The following MTM1 variants were observed in gnomAD, a reference collection of about 807,000 sequenced individuals.
The protein encoded by MTM1 is myotubularin 1.
Under a neutral mutation model 52.1 loss-of-function variants are expected in MTM1, and 9 were observed. That is an observed-to-expected ratio of 0.17 (90% CI 0.10 to 0.30). The LOEUF (loss-of-function observed/expected upper bound fraction) is 0.30. Among genes scored for constraint, MTM1 ranks in the 10% least tolerant of loss-of-function variants. The pLI, the probability that MTM1 is intolerant of heterozygous loss-of-function variation, is 1.00. For missense variants in MTM1, 277 were observed against 470.7 expected (o/e 0.59, Z 3.81); for synonymous variants, 136 against 163.8 (o/e 0.83, Z 1.29).
At chrX:150,583,553 T>A (rs1428170574) in intron 1 of MTM1, among the ~76,000 whole-genome samples, 1 of 23,132 alleles carries the variant, frequency 4.3e-5, no homozygotes, top group African/African-American at 3.3e-4. Context: ...TTATACATAA[T>A]TTATATATAA....
rs1569565313 is a variant in MTM1, at chrX:150,583,304, TATATATAATTATAAATA to T, written c.-10-9300_-10-9284del. On this transcript the variant is annotated intron_variant, in intron 1 of 14. Coordinates refer to ENST00000370396, the MANE Select transcript of MTM1 (RefSeq NM_000252.3). ...ATAAATATATATAAATTATATATAT[TATATATAATTATAAATA>T]TATATAAATTATATATATTATATAT... 8.7e-4 allele frequency among the ~76,000 whole-genome samples: 44 copies of T among 50,339 alleles called. 2 individuals are homozygous for T. The highest frequency in any genetic ancestry group is 2.3e-3 in the Admixed American group (6 of 2,657). 43.7% of individuals were successfully genotyped at this position (50,339 alleles called of 115,157 possible).
chrX:150,581,313 A>AG (rs2038579730), intron 1 of MTM1, among the ~76,000 whole-genome samples: 1 of 112,021 alleles, frequency 8.9e-6, no homozygotes, highest in Non-Finnish European at 1.9e-5. Context: ...ACACCATCAA[A>AG]GGGGACTACT....
At chrX:150,565,890 A>G (rs782425265), upstream of MTM1, among the ~76,000 whole-genome samples, 4 of 110,365 alleles carry the variant, frequency 3.6e-5, no homozygotes, top group Admixed American at 2.9e-4. Flanking sequence ...CCTCCTCTCT[A>G]TTGTCCTGGA....
intron 3 of MTM1, 67 bp downstream of exon 3, chrX:150,596,637 G>C: frequency 1.1e-6 from 1 of 911,817 alleles, no homozygotes; most frequent in Non-Finnish European, 1.6e-6. Context: ...GGTGGCTTCA[G>C]TCCCGCTTAC....
chrX:150,652,437 C>T (rs1198247790), intron 10 of MTM1, among the ~76,000 whole-genome samples: 5 of 107,045 alleles, frequency 4.7e-5, no homozygotes, highest in Non-Finnish European at 9.6e-5. Context: ...GAGGCAGAGG[C>T]AGGAAGATTG....
At chrX:150,608,633 C>T (rs2039214894) in intron 4 of MTM1, among the ~76,000 whole-genome samples, 1 of 111,901 alleles carries the variant, frequency 8.9e-6, no homozygotes, top group African/African-American at 3.2e-5. Flanking sequence ...CATGGCCTCA[C>T]ATACATATTT....
intron 4 of MTM1, among the ~76,000 whole-genome samples, chrX:150,611,636 G>A (rs782600918): frequency 8.9e-6 from 1 of 111,813 alleles, no homozygotes; most frequent in African/African-American, 3.2e-5. Context: ...GACCATACTT[G>A]AATTTTAGCA....
At chrX:150,601,000 G>T (rs1478008618) in intron 4 of MTM1, among the ~76,000 whole-genome samples, 1 of 111,829 alleles carries the variant, frequency 8.9e-6, no homozygotes, top group South Asian at 3.7e-4. Context: ...TACACCAAAG[G>T]TTTCAGTATT....
chrX:150,631,060 C>T (rs1557413560), intron 6 of MTM1, among the ~76,000 whole-genome samples: 3 of 111,994 alleles, frequency 2.7e-5, no homozygotes, highest in Non-Finnish European at 5.6e-5. Context: ...TGGGGCTGGC[C>T]ATGTAAGCAC....
chrX:150,591,759 AT>A (rs1311869441), intron 1 of MTM1, among the ~76,000 whole-genome samples: 2 of 112,799 alleles, frequency 1.8e-5, no homozygotes, highest in African/African-American at 6.4e-5. Flanking sequence ...CCATTGCTGG[AT>A]TTTGTTAGTG....
chrX:150,635,673 C>T (rs1282010223), intron 6 of MTM1, among the ~76,000 whole-genome samples: 2 of 111,549 alleles, frequency 1.8e-5, no homozygotes, highest in African/African-American at 6.5e-5. Context: ...ACTCTGAGAG[C>T]CTATATTCTC....
At chrX:150,601,724 G>A (rs1484824580) in intron 4 of MTM1, among the ~76,000 whole-genome samples, 1 of 112,095 alleles carries the variant, frequency 8.9e-6, no homozygotes, top group African/African-American at 3.2e-5. Flanking sequence ...CCCACGCCCC[G>A]TCTCCAGCGT....
intron 1 of MTM1, among the ~76,000 whole-genome samples, chrX:150,585,201 C>G (rs1242294962): frequency 9.0e-6 from 1 of 111,664 alleles, no homozygotes; most frequent in Non-Finnish European, 1.9e-5. Context: ...CTTCTGCCTT[C>G]AAATGAGAGT....
At chrX:150,607,061 C>G (rs2039180838) in intron 4 of MTM1, among the ~76,000 whole-genome samples, 1 of 105,285 alleles carries the variant, frequency 9.5e-6, no homozygotes, top group Non-Finnish European at 2.0e-5. Flanking sequence ...TCACCGCAAC[C>G]TCCACCTCTT....
At chrX:150,623,167 G>A (rs1281661953) in intron 6 of MTM1, among the ~76,000 whole-genome samples, 2 of 110,997 alleles carry the variant, frequency 1.8e-5, no homozygotes, top group African/African-American at 6.6e-5. Flanking sequence ...CTTTTAGGGA[G>A]TGAAGATAGG....
At chrX:150,589,084 G>T (rs2038840136) in intron 1 of MTM1, among the ~76,000 whole-genome samples, 1 of 111,936 alleles carries the variant, frequency 8.9e-6, no homozygotes, top group Admixed American at 9.5e-5. Flanking sequence ...GGTTGGCTAG[G>T]TGAGTTGAGT....
chrX:150,567,928 C>G (rs782354208), upstream of MTM1, among the ~76,000 whole-genome samples: 3 of 111,921 alleles, frequency 2.7e-5, no homozygotes, highest in Non-Finnish European at 5.6e-5. Flanking sequence ...TTTCCTGTCC[C>G]TTTCTTTTTA....
intron 6 of MTM1, among the ~76,000 whole-genome samples, chrX:150,626,875 C>T (rs1343956268): frequency 1.8e-5 from 2 of 111,473 alleles, no homozygotes; most frequent in Non-Finnish European, 3.8e-5. Flanking sequence ...CTTGAATCAA[C>T]AGTAAACTTG....
At chrX:150,632,276 C>G (rs1230118805) in intron 6 of MTM1, among the ~76,000 whole-genome samples, 1 of 111,783 alleles carries the variant, frequency 8.9e-6, no homozygotes, top group African/African-American at 3.3e-5. Flanking sequence ...ATTGACATGT[C>G]ATACTGAAGG....
Sources: allele counts gnomAD v4.1 joint callset (sites outside exome capture counted in the v4.1 genomes callset), GRCh38; gene constraint gnomAD v4.1.1; transcripts MANE v1.5; gene names NCBI Gene and HGNC (gene_info 2026-07-23, HGNC 2026-07-21).